The following ZFYVE21 variants were observed in gnomAD, a reference collection of about 807,000 sequenced individuals.
ZFYVE21 encodes the protein zinc finger FYVE domain-containing protein 21.
In ZFYVE21, 21 loss-of-function variants were observed where a neutral mutation model predicts 29.5. The observed-to-expected ratio is 0.71, with a 90% confidence interval of 0.50 to 1.02. The LOEUF (loss-of-function observed/expected upper bound fraction) is 1.02. Among genes scored for constraint, ZFYVE21 ranks in the 50% least tolerant of loss-of-function variants. The pLI, the probability that ZFYVE21 is intolerant of heterozygous loss-of-function variation, is 0.00. For synonymous variants in ZFYVE21, 151 were observed against 133.8 expected (o/e 1.13, Z -0.89); for missense variants, 326 against 335.4 (o/e 0.97, Z 0.22).
intron 2 of ZFYVE21, 87 bp from the exon 3 acceptor site, chr14:103,727,659 C>T (rs2083940702): frequency 6.4e-7 from 1 of 1,559,576 alleles, no homozygotes; most frequent in African/African-American, 1.4e-5. Flanking sequence ...TAGGCGTGGC[C>T]CGGGGAGTGC....
intron 1 of ZFYVE21, among the ~76,000 whole-genome samples, chr14:103,724,339 C>T (rs565276904): frequency 6.6e-6 from 1 of 152,358 alleles, no homozygotes; most frequent in African/African-American, 2.4e-5. Flanking sequence ...GCAGCTTTCC[C>T]ACGGAGGGGC....
chr14:103,732,630 A>T lies in ZFYVE21; in HGVS notation c.537A>T (p.Ala179=), dbSNP rs1469738002. The T allele has an allele frequency of 3.8e-6, 6 of 1,577,016 alleles. No individual in the cohort carries two copies. Among genetic ancestry groups the T allele is most frequent in the East Asian group, 2.3e-5 (1 of 44,276 alleles). The part of the protein sequence containing the change: ...TEGFPPGGGN[A]RATGMFLQYT... ...GTCTCTCTCCTCCAGGAGGCAACGC[A>T]CGGGCCACAGGCATGTTCCTGCAGT... Residue 179 remains alanine, a synonymous_variant, in exon 6 of 7, where the codon GCA becomes GCT. Coordinates refer to ENST00000311141, the MANE Select transcript of ZFYVE21 (RefSeq NM_024071.4).
At position 103,726,825 on chromosome 14, in the gene ZFYVE21, G is replaced by A. The variant is rs1364819002; in HGVS notation, c.172G>A (p.Asp58Asn). 1 of 1,613,956 alleles carries A rather than the reference G, an allele frequency of 6.2e-7. No individual in the cohort carries two copies. The highest frequency in any genetic ancestry group is 8.5e-7 in the Non-Finnish European group (1 of 1,180,006). ...ATGTATGCAGTGTGACGCCAAGTTT[G>A]ACTTTCTCACCAGAAAGGTGAGCTG... ...RRCMQCDAKF[D>N]FLTRKHHCRR... The change falls in exon 2 of 7, where the codon GAC (aspartate) becomes AAC (asparagine). Residue 58 changes from aspartate (D) to asparagine (N), a missense_variant. Physicochemically the swap from Asp to Asn is conservative, Grantham distance 23. Transcript: ENST00000311141.
Position 103,727,927 on chromosome 14 carries a change from G to GTC in ZFYVE21, c.358+14_358+15dup. ...GTGCTCCTGAGCGGTAAGGACGGGT[G>GTC]TCCTGCACAGTCCCGCGCGCTCCGC... is the stretch of plus-strand genomic sequence containing the variant. On this transcript the variant is annotated intron_variant, in intron 3 of 6. Coordinates refer to ENST00000311141, the MANE Select transcript of ZFYVE21 (RefSeq NM_024071.4). 6.3e-7 allele frequency: 1 copy of GTC among 1,591,608 alleles called. No individual in the cohort carries two copies.
chr14:103,721,516 C>T (rs1355402929), intron 1 of ZFYVE21, among the ~76,000 whole-genome samples: 1 of 152,252 alleles, frequency 6.6e-6, no homozygotes, highest in Non-Finnish European at 1.5e-5. Context: ...GAGGCTGCCT[C>T]TGTGACGCCA....
At chr14:103,727,689 C>G (rs1184098036) in intron 2 of ZFYVE21, 57 bp from the exon 3 acceptor site, 9 of 1,589,604 alleles carry the variant, frequency 5.7e-6, no homozygotes, top group Admixed American at 1.7e-5. Context: ...CGGGGCCACA[C>G]CCGGGGCCGC....
intron 1 of ZFYVE21, chr14:103,724,705 C>G (rs1457917938): frequency 6.6e-6 from 1 of 152,288 alleles, no homozygotes; most frequent in Admixed American, 6.5e-5. Flanking sequence ...CCCTCCATCT[C>G]TCCCAAGAGG....
chr14:103,727,950 C>T (rs762007052), intron 3 of ZFYVE21, 36 bp downstream of exon 3: 1 of 1,567,410 alleles, frequency 6.4e-7, no homozygotes. Flanking sequence ...CCGCGCGCTC[C>T]GCCAGCCGGC....
Position 103,733,095 on chromosome 14 carries a change from C to T in ZFYVE21, c.*77C>T, listed in dbSNP as rs905667686. ...TTGGAACAGCAGAGCCTGCTCCTTGCGTACCACAGGGATTAATCCTGCTTG... is the reference window on the plus strand; with the variant it reads ...TTGGAACAGCAGAGCCTGCTCCTTGTGTACCACAGGGATTAATCCTGCTTG... On this transcript the variant is annotated 3_prime_UTR_variant, in exon 7 of 7. Coordinates refer to ENST00000311141, the MANE Select transcript of ZFYVE21 (RefSeq NM_024071.4). The T allele has an allele frequency of 2.5e-5, 40 of 1,582,954 alleles. No individual in the cohort carries two copies. The highest frequency in any genetic ancestry group is 5.4e-5 in the African/African-American group (4 of 74,230).
intron 5 of ZFYVE21, chr14:103,731,545 G>C (rs1393595239): frequency 6.6e-6 from 1 of 152,164 alleles, no homozygotes; most frequent in East Asian, 1.9e-4. Flanking sequence ...GGAGGCGGAG[G>C]GTGCAGAGCC....
intron 1 of ZFYVE21, among the ~76,000 whole-genome samples, chr14:103,718,641 G>A (rs984935873): frequency 2.6e-5 from 4 of 152,174 alleles, no homozygotes; most frequent in Non-Finnish European, 5.9e-5. Context: ...TCAAATATCC[G>A]ACACTGACGC....
intron 3 of ZFYVE21, among the ~76,000 whole-genome samples, chr14:103,728,509 T>C (rs571882102): frequency 1.3e-5 from 2 of 152,356 alleles, no homozygotes; most frequent in East Asian, 3.9e-4. Flanking sequence ...GAAACGGGCA[T>C]GGTCCCTGGC....
At chr14:103,720,178 C>T (rs1414670453) in intron 1 of ZFYVE21, among the ~76,000 whole-genome samples, 1 of 152,222 alleles carries the variant, frequency 6.6e-6, no homozygotes, top group African/African-American at 2.4e-5. Context: ...TATCTTCCTT[C>T]CTCACGGCCT....
intron 1 of ZFYVE21, among the ~76,000 whole-genome samples, chr14:103,718,366 C>T (rs1368206498): frequency 1.3e-5 from 2 of 152,162 alleles, no homozygotes. Context: ...GAGGGTTATC[C>T]CTTTAAAATG....
In ZFYVE21 at chr14:103,723,500, G is replaced by A. The variant is rs548991213; in HGVS notation, c.139-3292G>A. On this transcript the variant is annotated intron_variant, in intron 1 of 6. Transcript: ENST00000311141. Reference sequence around the variant, plus strand: ...CCAGGAAGCAGCTTAAAAGCAAAGGGAAACAAAAAAAGGCTGGTCGTGGGA... The same window carrying A: ...CCAGGAAGCAGCTTAAAAGCAAAGGAAAACAAAAAAAGGCTGGTCGTGGGA... Among the ~76,000 whole-genome samples, 73 of 152,192 alleles carry A rather than the reference G, an allele frequency of 4.8e-4. No homozygotes were observed. In the Middle Eastern group the frequency reaches 0.017, roughly 35 times the overall value.
At chr14:103,726,645 G>A (rs1259771006) in intron 1 of ZFYVE21, 147 bp from the exon 2 acceptor site, 18 of 1,013,208 alleles carry the variant, frequency 1.8e-5, no homozygotes, top group Admixed American at 7.3e-5. Context: ...CCAGTCCACC[G>A]TCCTGCGTCA....
intron 1 of ZFYVE21, among the ~76,000 whole-genome samples, chr14:103,722,039 G>A (rs1423567879): frequency 6.6e-6 from 1 of 152,228 alleles, no homozygotes; most frequent in Non-Finnish European, 1.5e-5. Context: ...CAGAGCTGCG[G>A]GGTCCAGTTA....
intron 1 of ZFYVE21, among the ~76,000 whole-genome samples, chr14:103,720,788 C>G (rs1476510821): frequency 1.3e-5 from 2 of 152,088 alleles, no homozygotes; most frequent in Admixed American, 6.5e-5. Context: ...ATGCTGGTGT[C>G]TGCCGCACTG....
chr14:103,726,861 G>C lies in ZFYVE21; in HGVS notation c.189+19G>C. 6.2e-7 allele frequency: 1 copy of C among 1,613,646 alleles called. No homozygotes were observed. The highest frequency in any genetic ancestry group is 8.5e-7 in the Non-Finnish European group (1 of 1,179,980). Reference sequence around the variant, plus strand: ...CAGAAAGGTGAGCTGAGGCCGCTGAGTGGGGGTGGTGGGAAGAGGGGAGGG... The same window carrying C: ...CAGAAAGGTGAGCTGAGGCCGCTGACTGGGGGTGGTGGGAAGAGGGGAGGG... On this transcript the variant is annotated intron_variant, in intron 2 of 6. Coordinates refer to ENST00000311141, the MANE Select transcript of ZFYVE21 (RefSeq NM_024071.4).
Sources: allele counts gnomAD v4.1 joint callset (sites outside exome capture counted in the v4.1 genomes callset), GRCh38; gene constraint gnomAD v4.1.1; transcripts MANE v1.5; gene names NCBI Gene and HGNC (gene_info 2026-07-23, HGNC 2026-07-21).